The following POFUT4 variants were observed in gnomAD, a reference collection of about 807,000 sequenced individuals.
The protein encoded by POFUT4 is protein O-fucosyltransferase 4.
the POFUT4 span, chr10:73,773,532 C>G: frequency 1.9e-6 from 3 of 1,614,266 alleles, no homozygotes; most frequent in South Asian, 3.3e-5. Flanking sequence ...TATGAAATAC[C>G]TGGCATACAA....
chr10:73,773,419 A>T, the POFUT4 span: 1 of 1,614,198 alleles, frequency 6.2e-7, no homozygotes, highest in Non-Finnish European at 8.5e-7. Context: ...TCTGTGAGGG[A>T]CTGGATGCCG....
At chr10:73,775,789 T>A in the POFUT4 span, 1 of 1,192,058 alleles carries the variant, frequency 8.4e-7, no homozygotes, top group Non-Finnish European at 1.2e-6. Flanking sequence ...ACACTGTCTT[T>A]TCATGGATTC....
At chr10:73,778,955 A>T in the POFUT4 span, 2 of 151,762 alleles carry the variant, frequency 1.3e-5, no homozygotes, top group East Asian at 3.9e-4. Flanking sequence ...CTTGGGTAAC[A>T]TGGTAAAACC....
At chr10:73,779,003 G>C in the POFUT4 span, 1 of 151,440 alleles carries the variant, frequency 6.6e-6, no homozygotes, top group African/African-American at 2.4e-5. Context: ...AGCTGGGCAT[G>C]GTGTGTGTGC....
At chr10:73,772,397 A>C in the POFUT4 span, 1 of 1,569,840 alleles carries the variant, frequency 6.4e-7, no homozygotes, top group South Asian at 1.2e-5. Flanking sequence ...CTGTGCAGCC[A>C]GCGGCCATGG....
chr10:73,775,138 C>T, the POFUT4 span: 1 of 449,326 alleles, frequency 2.2e-6, no homozygotes, highest in East Asian at 3.5e-5. Flanking sequence ...GATGCTACTT[C>T]ATTTTGATGC....
chr10:73,773,074 G>C, the POFUT4 span: 2 of 1,544,820 alleles, frequency 1.3e-6, no homozygotes, highest in East Asian at 2.3e-5. Flanking sequence ...GAAGGAAAAG[G>C]AGAGGGCGGG....
the POFUT4 span, among the ~76,000 whole-genome samples, chr10:73,777,770 G>A: frequency 5.9e-5 from 9 of 152,000 alleles, no homozygotes; most frequent in Non-Finnish European, 1.2e-4. Flanking sequence ...GGCCAGTCTG[G>A]TGTCGAACTC....
chr10:73,773,232 A>G, the POFUT4 span: 5 of 1,613,268 alleles, frequency 3.1e-6, no homozygotes, highest in Non-Finnish European at 4.2e-6. Context: ...GGAGCTGCCT[A>G]CCGCGCGGCT....
the POFUT4 span, chr10:73,773,651 C>T: frequency 1.2e-6 from 2 of 1,614,246 alleles, no homozygotes; most frequent in African/African-American, 1.3e-5. Context: ...TCGAGTGTTT[C>T]GTCTGTGACT....
At chr10:73,777,204 G>C in the POFUT4 span, among the ~76,000 whole-genome samples, 2 of 151,722 alleles carry the variant, frequency 1.3e-5, no homozygotes, top group Non-Finnish European at 2.9e-5. Flanking sequence ...TAGAGACTAA[G>C]ACTGGGAATT....
chr10:73,773,097 CTCCAGGTGTCCAGGA>C, the POFUT4 span: 7 of 117,742 alleles, frequency 5.9e-5, no homozygotes, highest in Non-Finnish European at 1.3e-4. Flanking sequence ...GAGGCCAGGA[CTCCAGGTGTCCAGGA>C]CTCCAGGTGT....
the POFUT4 span, chr10:73,772,920 C>T: frequency 2.5e-6 from 4 of 1,610,904 alleles, no homozygotes; most frequent in Non-Finnish European, 1.7e-6. Flanking sequence ...CCGGTGCCTC[C>T]GCCCATGGAA....
chr10:73,772,560 C>T, the POFUT4 span: 15 of 1,580,062 alleles, frequency 9.5e-6, no homozygotes, highest in Middle Eastern at 1.7e-4. Flanking sequence ...GGGGACTTGC[C>T]GGTACTGCTG....
chr10:73,775,838 TGATG>T, the POFUT4 span: 3 of 783,190 alleles, frequency 3.8e-6, no homozygotes, highest in Non-Finnish European at 6.1e-6. Flanking sequence ...TTTATCTTAA[TGATG>T]AGTAGCCAAG....
the POFUT4 span, chr10:73,772,714 C>A: frequency 1.3e-6 from 2 of 1,585,552 alleles, no homozygotes; most frequent in African/African-American, 1.3e-5. Context: ...GCACAGACTT[C>A]CGCGCGTCGG....
At chr10:73,775,396 T>C in the POFUT4 span, 182 of 1,603,022 alleles carry the variant, frequency 1.1e-4, 1 homozygote, top group Middle Eastern at 1.8e-3. Context: ...TTGGATTTAC[T>C]TCACTTTGTC....
the POFUT4 span, chr10:73,779,258 TAAAAA>T: frequency 7.3e-6 from 1 of 136,544 alleles, no homozygotes; most frequent in Non-Finnish European, 1.6e-5. Flanking sequence ...GACCTCTGTC[TAAAAA>T]AAAAAAAAAA....
At chr10:73,778,361 C>G in the POFUT4 span, among the ~76,000 whole-genome samples, 17 of 147,680 alleles carry the variant, frequency 1.2e-4, no homozygotes, top group Non-Finnish European at 2.4e-4. Context: ...CCATTGCACT[C>G]CAGCCTGGGT....
Sources: gnomAD v4.1 joint callset for allele counts (sites outside exome capture counted in the v4.1 genomes callset) on GRCh38, gnomAD v4.1.1 for gene constraint, MANE v1.5 for transcripts, NCBI Gene and HGNC (gene_info 2026-07-23, HGNC 2026-07-21) for gene names.